DCLK3: variants seen among roughly 807,000 people sequenced by gnomAD.
DCLK3 encodes the protein doublecortin like kinase 3.
DCLK3 carries 30 observed loss-of-function variants against 46.4 expected under a neutral mutation model. The observed-to-expected ratio is 0.65, with a 90% CI of 0.48 to 0.88. DCLK3 has a LOEUF of 0.88. DCLK3 is among the 40% of genes least tolerant of loss of function. DCLK3 has a pLI of 0.00. For synonymous variants in DCLK3, 401 were observed against 339.2 expected (o/e 1.18, Z -2.00); for missense variants, 846 against 907.1 (o/e 0.93, Z 0.87).
chr3:36,758,520 C>G (rs1701509012), intron 1 of DCLK3, among the ~76,000 whole-genome samples: 1 of 152,158 alleles, frequency 6.6e-6, no homozygotes, highest in Non-Finnish European at 1.5e-5. Context: ...TTTGTTGGTT[C>G]CTGTTCCTTC....
At chr3:36,744,969 T>A (rs950910166) in intron 1 of DCLK3, among the ~76,000 whole-genome samples, 9 of 152,222 alleles carry the variant, frequency 5.9e-5, no homozygotes, top group Admixed American at 5.2e-4. Flanking sequence ...TCTAATAGGT[T>A]TGATGCTCAG....
At chr3:36,735,770 G>C (rs1701254114) in intron 2 of DCLK3, among the ~76,000 whole-genome samples, 1 of 152,172 alleles carries the variant, frequency 6.6e-6, no homozygotes, top group Non-Finnish European at 1.5e-5. Flanking sequence ...TAATAATAGT[G>C]ATAGTCTCTG....
chr3:36,751,247 G>A (rs764714813), intron 1 of DCLK3, among the ~76,000 whole-genome samples: 46 of 152,036 alleles, frequency 3.0e-4, no homozygotes, highest in Non-Finnish European at 2.9e-5. Context: ...ATGAAGCCAG[G>A]CATCCAATCG....
chr3:36,763,981 C>T (rs1048759433), intron 1 of DCLK3, among the ~76,000 whole-genome samples: 2 of 152,198 alleles, frequency 1.3e-5, no homozygotes, highest in Non-Finnish European at 2.9e-5. Context: ...CACCCGCACG[C>T]GCGCGCGTTT....
intron 2 of DCLK3, among the ~76,000 whole-genome samples, chr3:36,730,784 T>C (rs1336994580): frequency 6.6e-6 from 1 of 151,972 alleles, no homozygotes; most frequent in African/African-American, 2.4e-5. Flanking sequence ...TTCTTTTTTT[T>C]TTAATAAGGT....
At chr3:36,732,448 T>C (rs1701209858) in intron 2 of DCLK3, among the ~76,000 whole-genome samples, 1 of 152,188 alleles carries the variant, frequency 6.6e-6, no homozygotes, top group African/African-American at 2.4e-5. Context: ...AGAGCCTGTC[T>C]TACCAATGTA....
At position 36,755,580 on chromosome 3, in the gene DCLK3, A is replaced by C. The variant is rs116416688; in HGVS notation, c.82+8602T>G. 8.2e-3 allele frequency among the ~76,000 whole-genome samples: 1,250 copies of C among 152,278 alleles called. 7 individuals are homozygous for C. The highest frequency in any genetic ancestry group is 0.013 in the Non-Finnish European group (883 of 68,036). On this transcript the variant is annotated intron_variant, in intron 1 of 4. Transcript: ENST00000636136. Reference sequence around the variant, plus strand: ...AATTAAAAACCATAGAGAAACATAAATTTTACTTTAATATTAATCAAACTA... The same window carrying C: ...AATTAAAAACCATAGAGAAACATAACTTTTACTTTAATATTAATCAAACTA...
rs57477511 is a variant in DCLK3, at chr3:36,719,006, A to C, written c.2093-829T>G. On this transcript the variant is annotated intron_variant, in intron 3 of 4. Transcript: ENST00000636136. ...ATTTCCTATGAAAAATACCAAAAAT[A>C]TTTTTTACAAAAATGATTTCTAATA... is the stretch of plus-strand genomic sequence containing the variant. Among the ~76,000 whole-genome samples, 7 of 152,286 alleles carry C rather than the reference A, an allele frequency of 4.6e-5. No homozygotes were observed. In the East Asian group the frequency reaches 1.3e-3, roughly 29 times the overall value.
intron 1 of DCLK3, among the ~76,000 whole-genome samples, chr3:36,759,042 A>T (rs1190522796): frequency 6.6e-6 from 1 of 152,220 alleles, no homozygotes; most frequent in African/African-American, 2.4e-5. Flanking sequence ...GAAAGCTCTA[A>T]GTATAAAGAG....
intron 2 of DCLK3, among the ~76,000 whole-genome samples, chr3:36,734,109 A>G (rs1701230813): frequency 6.6e-6 from 1 of 152,246 alleles, no homozygotes; most frequent in Non-Finnish European, 1.5e-5. Context: ...CAACTTATGG[A>G]CAGCAGTCAC....
intron 2 of DCLK3, among the ~76,000 whole-genome samples, chr3:36,724,632 A>G (rs1309060289): frequency 6.6e-6 from 1 of 152,126 alleles, no homozygotes; most frequent in Non-Finnish European, 1.5e-5. Flanking sequence ...GTTTGCCTGC[A>G]CAAGCTCTCT....
At chr3:36,725,649 T>C (rs1701117978) in intron 2 of DCLK3, among the ~76,000 whole-genome samples, 2 of 152,142 alleles carry the variant, frequency 1.3e-5, no homozygotes, top group South Asian at 4.1e-4. Context: ...GAGTGACAGT[T>C]TCCAGCAAAT....
intron 3 of DCLK3, among the ~76,000 whole-genome samples, chr3:36,718,821 G>T (rs1302367420): frequency 6.6e-6 from 1 of 151,824 alleles, no homozygotes; most frequent in African/African-American, 2.4e-5. Context: ...GCACACACTG[G>T]TATACAACAC....
At chr3:36,749,590 A>G (rs1382640417) in intron 1 of DCLK3, among the ~76,000 whole-genome samples, 1 of 152,206 alleles carries the variant, frequency 6.6e-6, no homozygotes, top group Admixed American at 6.5e-5. Flanking sequence ...TACTTGGAAT[A>G]TCTAAACCAT....
At chr3:36,722,729 C>T (rs375426526) in intron 2 of DCLK3, among the ~76,000 whole-genome samples, 6 of 152,308 alleles carry the variant, frequency 3.9e-5, no homozygotes, top group African/African-American at 1.4e-4. Context: ...CTGATGCCAT[C>T]CATGTAAGAT....
At chr3:36,759,717 C>A (rs766406583) in intron 1 of DCLK3, among the ~76,000 whole-genome samples, 1 of 152,176 alleles carries the variant, frequency 6.6e-6, no homozygotes, top group Non-Finnish European at 1.5e-5. Context: ...CATGCTGTTC[C>A]TCAGTCTTAG....
intron 4 of DCLK3, among the ~76,000 whole-genome samples, chr3:36,716,092 A>G (rs373658474): frequency 1.8e-4 from 28 of 152,224 alleles, no homozygotes; most frequent in East Asian, 7.7e-4. Flanking sequence ...AATAGTGCAA[A>G]TTCAAAAATA....
chr3:36,755,766 G>T (rs370677365), intron 1 of DCLK3, among the ~76,000 whole-genome samples: 20 of 152,120 alleles, frequency 1.3e-4, no homozygotes, highest in African/African-American at 2.7e-4. Flanking sequence ...TTATCAGATA[G>T]ATAGGTGCCC....
rs569208624 is a variant in DCLK3 at position 36,737,531 on chromosome 3, C to T, written c.1636G>A (p.Glu546Lys). The change falls in exon 2 of 5, where the codon GAG becomes AAG. Residue 546 changes from glutamate (E) to lysine (K), a missense_variant. Glu to Lys is a moderately conservative substitution (Grantham distance 56, BLOSUM62 1). Around this residue, in one of 3 missense-constraint regions of DCLK3, gnomAD observed 247 missense variants for 322.8 expected, o/e 0.77. Coordinates refer to ENST00000636136, the MANE Select transcript of DCLK3 (RefSeq NM_001394672.2). This position sits in a 1 kb window ranked among gnomAD's most constrained non-coding sequence, Gnocchi z 4.4. Reference sequence around the variant, plus strand: ...TTCATCGCATAGGCCTGCCTGGTCTCGCGGTGTCTGCACTCCTTCACGACA... The same window carrying T: ...TTCATCGCATAGGCCTGCCTGGTCTTGCGGTGTCTGCACTCCTTCACGACA... Reference protein sequence around the residue: ...FAVVKECRHRETRQAYAMKII... With the variant: ...FAVVKECRHRKTRQAYAMKII... The T allele has an allele frequency of 8.1e-6, 13 of 1,614,158 alleles. No homozygotes were observed. The highest frequency in any genetic ancestry group is 6.6e-5 in the South Asian group (6 of 91,058).
Sources: gnomAD v4.1 joint callset for allele counts (sites outside exome capture counted in the v4.1 genomes callset) on GRCh38, gnomAD v4.1.1 for gene constraint, gnomAD v4.1.1 regional missense constraint, Gnocchi (gnomAD v3.1) non-coding constraint, MANE v1.5 for transcripts, NCBI Gene and HGNC (gene_info 2026-07-23, HGNC 2026-07-21) for gene names.